The following ITPR1 variants were observed in gnomAD, a reference collection of about 807,000 sequenced individuals.
ITPR1 encodes the protein inositol 1,4,5-trisphosphate receptor type 1.
Under a neutral mutation model 318.4 loss-of-function variants are expected in ITPR1, and 96 were observed. That is an observed-to-expected ratio of 0.30 (90% CI 0.26 to 0.36). The LOEUF is 0.36. Ranked by LOEUF, ITPR1 falls within the 10% of genes least tolerant of loss-of-function variation. The pLI is 1.00. For synonymous variants in ITPR1, 1,312 were observed against 1,289.9 expected, an observed-to-expected ratio of 1.02 and a Z score of -0.37; for missense variants, 2,440 against 3,460.2, an observed-to-expected ratio of 0.71 and a Z score of 7.40.
chr3:4,601,556 CAAAAT>C (rs1275505725), intron 4 of ITPR1, among the ~76,000 whole-genome samples: 1 of 150,570 alleles, frequency 6.6e-6, no homozygotes, highest in African/African-American at 2.4e-5. Context: ...AAAGTTAACT[CAAAAT>C]GAATCAAAGC....
At chr3:4,788,963 C>T (rs1010489373) in intron 52 of ITPR1, among the ~76,000 whole-genome samples, 1 of 152,192 alleles carries the variant, frequency 6.6e-6, no homozygotes, top group Non-Finnish European at 1.5e-5. Context: ...CCAGAGCTTT[C>T]GTCTTCTCCG....
chr3:4,711,210 CAAAAAAAAAAAA>C lies in ITPR1; in HGVS notation c.4992-533_4992-522del, dbSNP rs1169754547. ...TGGGTGGCAGAACGAGACCTTGTCT[CAAAAAAAAAAAA>C]AAAAAAAAAAAAAGAGATTTTTACC... On this transcript the variant is annotated intron_variant, in intron 38 of 61. Coordinates refer to ENST00000649015, the MANE Select transcript of ITPR1 (RefSeq NM_001378452.1). Among the ~76,000 whole-genome samples, 6 of 57,914 alleles carry C rather than the reference CAAAAAAAAAAAA, an allele frequency of 1.0e-4. No individual in the cohort carries two copies. In the East Asian group the frequency reaches 2.4e-3, roughly 23 times the overall value. The allele number at this position is 57,914 out of a possible 152,430, so 38.0% of individuals were successfully genotyped here. A position where few individuals can be genotyped will look rare whatever the true frequency, so the allele number is the denominator to read the frequency against.
intron 4 of ITPR1, among the ~76,000 whole-genome samples, chr3:4,547,007 T>G (rs1415724718): frequency 6.6e-6 from 1 of 152,160 alleles, no homozygotes; most frequent in Non-Finnish European, 1.5e-5. Flanking sequence ...CCAATAACGC[T>G]CTTGACCTGT....
chr3:4,763,988 G>T (rs1475983828), intron 44 of ITPR1, among the ~76,000 whole-genome samples: 2 of 152,248 alleles, frequency 1.3e-5, no homozygotes, highest in African/African-American at 4.8e-5. Flanking sequence ...CTGCTTCCAT[G>T]CCATGAGAAC....
intron 53 of ITPR1, among the ~76,000 whole-genome samples, chr3:4,795,490 G>T (rs1400122567): frequency 6.6e-6 from 1 of 152,192 alleles, no homozygotes; most frequent in South Asian, 2.1e-4. Context: ...ATGTCTCAGA[G>T]CAGTTAAGAA....
rs182829621 is a variant in ITPR1 at position 4,566,528 on chromosome 3, G to C, written c.163+45434G>C. Among the ~76,000 whole-genome samples, 213 of 152,036 alleles carry C rather than the reference G, an allele frequency of 1.4e-3. 3 individuals carry two copies. The highest frequency in any genetic ancestry group is 0.013 in the South Asian group (62 of 4,808). On this transcript the variant is annotated intron_variant, in intron 4 of 61. Coordinates refer to ENST00000649015, the MANE Select transcript of ITPR1 (RefSeq NM_001378452.1). ...AGTAAGGCCAGATAGAATTAGAGTT[G>C]AGAGCCAGGTCAGAGTTGAGAGTGG...
chr3:4,797,585 G>T (rs537799895), intron 53 of ITPR1, among the ~76,000 whole-genome samples: 1 of 152,162 alleles, frequency 6.6e-6, no homozygotes, highest in African/African-American at 2.4e-5. Flanking sequence ...TTTCAAAAGC[G>T]TGCAACTCAG....
intron 18 of ITPR1, among the ~76,000 whole-genome samples, chr3:4,668,211 T>C (rs1179268240): frequency 3.3e-5 from 5 of 149,420 alleles, no homozygotes; most frequent in Non-Finnish European, 5.9e-5. Flanking sequence ...ATTCGTTCTT[T>C]CTATTTTTTT....
intron 48 of ITPR1, among the ~76,000 whole-genome samples, chr3:4,778,400 T>C (rs1351883572): frequency 6.6e-6 from 1 of 152,234 alleles, no homozygotes; most frequent in Non-Finnish European, 1.5e-5. Flanking sequence ...TACAGGGTTT[T>C]GGCTGAAAGG....
intron 50 of ITPR1, 73 bp downstream of exon 50, chr3:4,782,814 C>G: frequency 2.9e-6 from 4 of 1,357,094 alleles, no homozygotes; most frequent in Non-Finnish European, 3.9e-6. Flanking sequence ...GAGGGTGCCC[C>G]CAGTCTTGCT....
rs551843314 is a variant in ITPR1, at chr3:4,576,828, G to T, written c.164-50935G>T. On this transcript the variant is annotated intron_variant, in intron 4 of 61. Coordinates refer to ENST00000649015, the MANE Select transcript of ITPR1 (RefSeq NM_001378452.1). ...TTTCCTATTCAACCCTGTCATTTAA[G>T]AGAAAGGAATGGGAGGTAGTAATTC... Among the ~76,000 whole-genome samples, 3 of 152,336 alleles carry T rather than the reference G, an allele frequency of 2.0e-5. No homozygotes were observed. The South Asian group carries it at 6.2e-4, about 32-fold the overall frequency.
intron 35 of ITPR1, among the ~76,000 whole-genome samples, chr3:4,701,209 G>A (rs143848234): frequency 6.6e-6 from 1 of 152,322 alleles, no homozygotes; most frequent in Non-Finnish European, 1.5e-5. Context: ...CTAGTCAAGA[G>A]ACACTGCTTT....
At chr3:4,500,699 T>C (rs1177466939) in intron 2 of ITPR1, among the ~76,000 whole-genome samples, 1 of 152,180 alleles carries the variant, frequency 6.6e-6, no homozygotes, top group Non-Finnish European at 1.5e-5. Context: ...TTTTTAAAAA[T>C]TGGTTTTGGG....
intron 2 of ITPR1, among the ~76,000 whole-genome samples, chr3:4,512,342 G>A (rs1196376851): frequency 2.6e-5 from 4 of 152,132 alleles, no homozygotes; most frequent in Admixed American, 6.5e-5. Context: ...CATAGGCAGC[G>A]CGATGGGGAG....
chr3:4,586,094 T>G (rs996062618), intron 4 of ITPR1, among the ~76,000 whole-genome samples: 2 of 152,208 alleles, frequency 1.3e-5, no homozygotes, highest in Non-Finnish European at 2.9e-5. Context: ...ACAAAGGACA[T>G]GAACTCATCT....
intron 5 of ITPR1, among the ~76,000 whole-genome samples, chr3:4,631,998 T>C (rs1266815359): frequency 6.6e-6 from 1 of 152,184 alleles, no homozygotes; most frequent in Non-Finnish European, 1.5e-5. Context: ...GGACATACAA[T>C]TGTATGGGAT....
chr3:4,658,273 C>G lies in ITPR1; in HGVS notation c.1146C>G (p.Val382=). Residue 382 remains valine, a synonymous_variant, in exon 13 of 62, where the codon GTC becomes GTG. Transcript: ENST00000649015. ...CTCTGCGTGGAGGTGACAGCCTTGT[C>G]CCAAGGTATCATTTTAAAATTGCTT... is the stretch of plus-strand genomic sequence containing the variant. ...PTTLRGGDSL[V]PRNSYVRLRH... The G allele has an allele frequency of 6.2e-7, 1 of 1,606,574 alleles. No individual in the cohort carries two copies. Among genetic ancestry groups the G allele is most frequent in the Non-Finnish European group, 8.5e-7 (1 of 1,174,740 alleles).
rs200327613 is a variant in ITPR1, at chr3:4,697,296, G to A, written c.4407+24G>A. 4,594 of 1,525,952 alleles carry A rather than the reference G, an allele frequency of 3.0e-3. 14 individuals carry two copies. The highest frequency in any genetic ancestry group is 3.8e-3 in the Non-Finnish European group (4,327 of 1,131,572). The allele number at this position is 1,525,952 out of a possible 1,614,324, so 94.5% of individuals were successfully genotyped here. On this transcript the variant is annotated intron_variant, in intron 34 of 61. Coordinates refer to ENST00000649015, the MANE Select transcript of ITPR1 (RefSeq NM_001378452.1). ...GGGTAAGGCTTTTGGAACTGAGGAG[G>A]CAGAGTTGGAGAGTGAGAGGTGTGT...
chr3:4,646,251 A>G (rs2093454243), intron 10 of ITPR1, among the ~76,000 whole-genome samples: 1 of 152,256 alleles, frequency 6.6e-6, no homozygotes, highest in African/African-American at 2.4e-5. Context: ...GGTAAGAGGC[A>G]TATTCCACAT....
Sources: gnomAD v4.1 joint callset for allele counts (sites outside exome capture counted in the v4.1 genomes callset) on GRCh38, gnomAD v4.1.1 for gene constraint, MANE v1.5 for transcripts, NCBI Gene and HGNC (gene_info 2026-07-23, HGNC 2026-07-21) for gene names.